QDPR: variants seen among roughly 807,000 people sequenced by gnomAD.
QDPR encodes the protein quinoid dihydropteridine reductase.
A neutral mutation model predicts 31.7 loss-of-function variants in QDPR; 23 were observed. The observed-to-expected ratio is 0.73, with a 90% CI of 0.52 to 1.03. The LOEUF (loss-of-function observed/expected upper bound fraction) is 1.03. Ranked by LOEUF, QDPR falls within the 50% of genes least tolerant of loss-of-function variation. The probability of loss-of-function intolerance (pLI) is 0.00; values close to 1 mark genes in which losing one functional copy is unlikely to be tolerated. For synonymous variants in QDPR, 124 were observed against 124.7 expected (o/e 0.99, Z 0.03); for missense variants, 324 against 323.8 (o/e 1.00, Z 0.00).
At chr4:17,490,560 G>T in intron 6 of QDPR, 102 bp downstream of exon 6, 1 of 969,820 alleles carries the variant, frequency 1.0e-6, no homozygotes, top group East Asian at 2.5e-5. Flanking sequence ...AAGACCACCC[G>T]GATTGACGAT....
At chr4:17,488,933 G>C (rs915027720) in intron 6 of QDPR, among the ~76,000 whole-genome samples, 1 of 152,226 alleles carries the variant, frequency 6.6e-6, no homozygotes, top group Non-Finnish European at 1.5e-5. Flanking sequence ...GGAAGGCTCT[G>C]AAAGAGACCA....
chr4:17,496,471 A>AAAAAAAAC (rs1718361950), intron 4 of QDPR, among the ~76,000 whole-genome samples: 1 of 139,226 alleles, frequency 7.2e-6, no homozygotes, highest in Non-Finnish European at 1.6e-5. Flanking sequence ...AAAAAAAAAA[A>AAAAAAAAC]AGAACAAACT....
chr4:17,499,105 T>A (rs1176405327), intron 4 of QDPR, among the ~76,000 whole-genome samples: 1 of 152,190 alleles, frequency 6.6e-6, no homozygotes, highest in African/African-American at 2.4e-5. Flanking sequence ...TCTCATCCAT[T>A]TAGATCCATT....
chr4:17,490,604 G>A (rs1577184653), intron 6 of QDPR, 58 bp downstream of exon 6: 1 of 1,406,868 alleles, frequency 7.1e-7, no homozygotes, highest in East Asian at 2.3e-5. Context: ...CTGGACCACA[G>A]CAGGCAGAGA....
chr4:17,509,018 G>C (rs550904799), intron 2 of QDPR, among the ~76,000 whole-genome samples: 2 of 152,002 alleles, frequency 1.3e-5, no homozygotes, highest in East Asian at 1.9e-4. Context: ...ATTAGCTGGG[G>C]GTGGTGGCAG....
At chr4:17,495,879 A>C (rs12498807) in intron 4 of QDPR, among the ~76,000 whole-genome samples, 16,289 of 151,838 alleles carry the variant, frequency 0.11, 1,765 homozygotes, top group East Asian at 0.44. Context: ...TGTGATGGCG[A>C]GCGCCTGTAG....
intron 2 of QDPR, among the ~76,000 whole-genome samples, 177 bp downstream of exon 2, chr4:17,509,094 G>T (rs1718900674): frequency 6.6e-6 from 1 of 152,134 alleles, no homozygotes; most frequent in Non-Finnish European, 1.5e-5. Flanking sequence ...GGAGGCAAAG[G>T]TTGCAGTGAA....
intron 1 of QDPR, among the ~76,000 whole-genome samples, chr4:17,510,315 C>T (rs978003546): frequency 6.6e-6 from 1 of 152,092 alleles, no homozygotes; most frequent in Admixed American, 6.6e-5. Flanking sequence ...AGGTTCCCAA[C>T]AAAAGAGGTT....
At chr4:17,504,524 C>T (rs553253810) in intron 2 of QDPR, 49 bp from the exon 3 acceptor site, 1 of 1,436,264 alleles carries the variant, frequency 7.0e-7, no homozygotes, top group Admixed American at 1.7e-5. Flanking sequence ...TAAGCCAACA[C>T]AGGCTAGCAT....
intron 2 of QDPR, among the ~76,000 whole-genome samples, chr4:17,504,896 C>T (rs1020083436): frequency 6.6e-6 from 1 of 152,110 alleles, no homozygotes; most frequent in Non-Finnish European, 1.5e-5. Context: ...AGAAGATCAA[C>T]CCTGTTTTCC....
At position 17,491,803 on chromosome 4, in the gene QDPR, AATAG is replaced by A. The variant is rs1718173009; in HGVS notation, c.545+425_545+428del. 3.9e-5 allele frequency among the ~76,000 whole-genome samples: 6 copies of A among 152,162 alleles called. No homozygotes were observed. In the South Asian group the frequency reaches 1.2e-3, roughly 32 times the overall value. ...ACATACAAAACACAAACTGCAACAT[AATAG>A]TATTAAGAGGTGGGGTCTGCAGGAG... On this transcript the variant is annotated intron_variant, in intron 5 of 6. Transcript: ENST00000281243.
chr4:17,491,120 A>G (rs1263991137), intron 5 of QDPR, among the ~76,000 whole-genome samples: 1 of 152,222 alleles, frequency 6.6e-6, no homozygotes, highest in African/African-American at 2.4e-5. Flanking sequence ...CTAAGGATTT[A>G]AGATAGTTAT....
At chr4:17,491,372 T>C (rs1351501993) in intron 5 of QDPR, among the ~76,000 whole-genome samples, 1 of 152,184 alleles carries the variant, frequency 6.6e-6, no homozygotes, top group African/African-American at 2.4e-5. Flanking sequence ...CCCTACAGTC[T>C]CAGCATCCCT....
intron 3 of QDPR, among the ~76,000 whole-genome samples, chr4:17,502,876 C>A (rs1718620597): frequency 1.3e-5 from 2 of 152,206 alleles, no homozygotes; most frequent in African/African-American, 4.8e-5. Flanking sequence ...CCACAGATGA[C>A]TGACTTACTG....
In QDPR at chr4:17,506,984, G is replaced by C. The variant is rs534413755; in HGVS notation, c.198+2287C>G. 3.3e-5 allele frequency among the ~76,000 whole-genome samples: 5 copies of C among 152,214 alleles called. No homozygotes were observed. The South Asian group carries it at 1.0e-3, about 32-fold the overall frequency. ...AGACTGGAAGGAAATATAAATAAAT[G>C]ATTAACTATATGGTAGAACTATAAA... is the stretch of plus-strand genomic sequence containing the variant. On this transcript the variant is annotated intron_variant, in intron 2 of 6. Transcript: ENST00000281243.
rs560422220 is a variant in QDPR at position 17,494,605 on chromosome 4, C to T, written c.437-2265G>A. Among the ~76,000 whole-genome samples, 16 of 152,304 alleles carry T rather than the reference C, an allele frequency of 1.1e-4. 1 individual carries two copies. The highest frequency in any genetic ancestry group is 2.9e-4 in the African/African-American group (12 of 41,556). ...CTTAATTATGTCAAGTAATAAAACT[C>T]CATTGATTGTTTTTTTTCCAGGTTA... On this transcript the variant is annotated intron_variant, in intron 4 of 6. Transcript: ENST00000281243.
At chr4:17,500,371 G>C (rs1718518117) in intron 4 of QDPR, among the ~76,000 whole-genome samples, 1 of 152,132 alleles carries the variant, frequency 6.6e-6, no homozygotes, top group Admixed American at 6.5e-5. Flanking sequence ...TATCCCACAG[G>C]GAGTGTTATG....
chr4:17,510,222 T>G (rs529218367), intron 1 of QDPR, among the ~76,000 whole-genome samples: 1 of 152,326 alleles, frequency 6.6e-6, no homozygotes, highest in South Asian at 2.1e-4. Context: ...CAGAGAGGGA[T>G]GGACTTTAGG....
intron 6 of QDPR, among the ~76,000 whole-genome samples, chr4:17,489,471 T>C (rs1718082891): frequency 6.6e-6 from 1 of 152,212 alleles, no homozygotes; most frequent in Non-Finnish European, 1.5e-5. Flanking sequence ...ATTTTTTTCC[T>C]GCAAATCAAG....
Sources: allele counts gnomAD v4.1 joint callset (sites outside exome capture counted in the v4.1 genomes callset), GRCh38; gene constraint gnomAD v4.1.1; transcripts MANE v1.5; gene names NCBI Gene and HGNC (gene_info 2026-07-23, HGNC 2026-07-21).